Variants in ESRRB observed in about 807,000 individuals in gnomAD.
ESRRB encodes estrogen related receptor beta, also known as steroid hormone receptor ERR2.
A neutral mutation model predicts 46.0 loss-of-function variants in ESRRB; 16 were observed. The ratio of observed to expected loss-of-function variants is 0.35; its 90% CI spans 0.24 to 0.53. The LOEUF (loss-of-function observed/expected upper bound fraction) is 0.53, where lower values mean the gene tolerates loss of function less well. Ranked by LOEUF, ESRRB falls within the 20% of genes least tolerant of loss-of-function variation. ESRRB has a pLI of 0.93. For missense variants in ESRRB, 488 were observed against 607.4 expected, an observed-to-expected ratio of 0.80 and a Z score of 2.07; for synonymous variants, 246 against 259.6, an observed-to-expected ratio of 0.95 and a Z score of 0.50.
chr14:76,329,265 G>C (rs553517498), intron 1 of ESRRB, among the ~76,000 whole-genome samples: 86 of 152,160 alleles, frequency 5.7e-4, no homozygotes, highest in African/African-American at 2.0e-3. Flanking sequence ...ATAAATAATC[G>C]AGTCAATCTC....
At chr14:76,439,006 C>G (rs1887793508) in intron 1 of ESRRB, among the ~76,000 whole-genome samples, 1 of 151,828 alleles carries the variant, frequency 6.6e-6, no homozygotes. Context: ...CCTATGTTGC[C>G]CAGGCTGGTC....
intron 1 of ESRRB, among the ~76,000 whole-genome samples, chr14:76,387,642 G>A (rs1248857997): frequency 6.6e-6 from 1 of 152,180 alleles, no homozygotes; most frequent in South Asian, 2.1e-4. Context: ...ACCTCCAGAC[G>A]GGCTGGAAAG....
In ESRRB at chr14:76,401,501, G is replaced by A. The variant is rs115567662; in HGVS notation, c.50+25050G>A. ...TTCGCCAAAGAAACAGAACCAATACGATGTATAGTCATGTGCCACATAATG... is the reference window on the plus strand; with the variant it reads ...TTCGCCAAAGAAACAGAACCAATACAATGTATAGTCATGTGCCACATAATG... On this transcript the variant is annotated intron_variant, in intron 1 of 6. Coordinates refer to ENST00000644823, the MANE Select transcript of ESRRB (RefSeq NM_001379180.1). Among the ~76,000 whole-genome samples the A allele has an allele frequency of 6.3e-3, 964 of 152,314 alleles. 10 individuals are homozygous for A. The highest frequency in any genetic ancestry group is 0.023 in the African/African-American group (943 of 41,558).
intron 1 of ESRRB, among the ~76,000 whole-genome samples, chr14:76,438,580 C>G (rs915515544): frequency 6.6e-6 from 1 of 151,706 alleles, no homozygotes; most frequent in African/African-American, 2.4e-5. Context: ...AGGAGAATCG[C>G]TTGAACCCAG....
intron 1 of ESRRB, among the ~76,000 whole-genome samples, chr14:76,422,183 C>G (rs891372180): frequency 3.3e-5 from 5 of 150,644 alleles, no homozygotes; most frequent in Non-Finnish European, 7.4e-5. Context: ...CACGCACACG[C>G]ACAGCCCTTG....
chr14:76,389,302 G>GC (rs1555392446), intron 1 of ESRRB, among the ~76,000 whole-genome samples: 1 of 152,154 alleles, frequency 6.6e-6, no homozygotes, highest in Non-Finnish European at 1.5e-5. Flanking sequence ...TCTGTCTCAT[G>GC]CCCCTGACTG....
In ESRRB at chr14:76,467,984, G is replaced by A. The variant is rs1024182058; in HGVS notation, c.577+5323G>A. Among the ~76,000 whole-genome samples, 5 of 152,120 alleles carry A rather than the reference G, an allele frequency of 3.3e-5. No individual in the cohort carries two copies. In the East Asian group the frequency reaches 9.7e-4, roughly 29 times the overall value. ...TAAAAGATATTTGATTTCAGTGAAA[G>A]CTGGGCCGACATCCATGCAATATGC... On this transcript the variant is annotated intron_variant, in intron 3 of 6. Coordinates refer to ENST00000644823, the MANE Select transcript of ESRRB (RefSeq NM_001379180.1).
At chr14:76,423,871 G>A (rs566479433) in intron 1 of ESRRB, among the ~76,000 whole-genome samples, 4 of 152,242 alleles carry the variant, frequency 2.6e-5, no homozygotes, top group Admixed American at 1.3e-4. Context: ...GGCCAGTGTG[G>A]CTGGGATGGA....
intron 1 of ESRRB, among the ~76,000 whole-genome samples, chr14:76,324,437 C>T (rs999688648): frequency 3.3e-5 from 5 of 152,148 alleles, no homozygotes; most frequent in Non-Finnish European, 7.3e-5. Context: ...GGGATCTGAG[C>T]AGAGCACCAA....
intron 1 of ESRRB, among the ~76,000 whole-genome samples, chr14:76,327,460 G>C (rs1883944356): frequency 1.3e-5 from 2 of 151,860 alleles, no homozygotes; most frequent in African/African-American, 4.9e-5. Context: ...TGACTTCCCG[G>C]AAAGGTATTC....
At chr14:76,446,090 C>T (rs1468963218) in intron 2 of ESRRB, among the ~76,000 whole-genome samples, 2 of 152,206 alleles carry the variant, frequency 1.3e-5, no homozygotes, top group Admixed American at 1.3e-4. Flanking sequence ...GCCAGCCACC[C>T]TTGGTTGTAT....
chr14:76,330,427 A>AC (rs1035330674), intron 1 of ESRRB, among the ~76,000 whole-genome samples: 5 of 151,842 alleles, frequency 3.3e-5, no homozygotes, highest in African/African-American at 7.3e-5. Flanking sequence ...CAACTCAAAG[A>AC]CCCCCCAACC....
intron 1 of ESRRB, among the ~76,000 whole-genome samples, chr14:76,358,327 G>GAAAGAA (rs1884413330): frequency 8.9e-5 from 1 of 11,226 alleles, no homozygotes; most frequent in Non-Finnish European, 1.4e-4. Flanking sequence ...AAAAAAAAAA[G>GAAAGAA]AAAGAAAGAA....
At chr14:76,388,213 CTG>C in intron 1 of ESRRB, among the ~76,000 whole-genome samples, 2 of 139,396 alleles carry the variant, frequency 1.4e-5, no homozygotes, top group Admixed American at 1.5e-4. Context: ...GAGTCTCACT[CTG>C]TGGCCCAGGC....
In ESRRB at chr14:76,379,681, A is replaced by G. The variant is rs559736475; in HGVS notation, c.50+3230A>G. Among the ~76,000 whole-genome samples, 62 of 152,244 alleles carry G rather than the reference A, an allele frequency of 4.1e-4. 1 individual carries two copies. The highest frequency in any genetic ancestry group is 1.5e-3 in the African/African-American group (61 of 41,548). On this transcript the variant is annotated intron_variant, in intron 1 of 6. Transcript: ENST00000644823. ...TCAGGCCTGAAGGCGATGAACTGGG[A>G]GGAGACATTAGGTCAACGCTGGAGG...
intron 1 of ESRRB, among the ~76,000 whole-genome samples, chr14:76,389,760 T>C (rs1302750814): frequency 6.6e-6 from 1 of 152,210 alleles, no homozygotes; most frequent in Admixed American, 6.5e-5. Flanking sequence ...TCAAACACAA[T>C]CATTATTAAA....
intron 1 of ESRRB, among the ~76,000 whole-genome samples, chr14:76,419,951 GT>G (rs1440750143): frequency 2.0e-5 from 3 of 152,144 alleles, no homozygotes; most frequent in African/African-American, 7.2e-5. Flanking sequence ...TGTCTCATGG[GT>G]CAGGAGGACT....
chr14:76,402,857 T>G lies in ESRRB; in HGVS notation c.50+26406T>G, dbSNP rs188795865. 3.7e-3 allele frequency among the ~76,000 whole-genome samples: 558 copies of G among 152,256 alleles called. 3 individuals carry two copies. The highest frequency in any genetic ancestry group is 5.9e-3 in the Non-Finnish European group (401 of 68,028). On this transcript the variant is annotated intron_variant, in intron 1 of 6. Coordinates refer to ENST00000644823, the MANE Select transcript of ESRRB (RefSeq NM_001379180.1). The stretch of plus-strand genomic sequence containing the variant: ...CTGGGAATTCTTTCTTTTTCTTTCT[T>G]TTTTTCTTTTTCCTGGAGACAGGGT...
intron 3 of ESRRB, among the ~76,000 whole-genome samples, chr14:76,469,929 G>GT (rs769935944): frequency 0.07 from 5,481 of 78,488 alleles, 276 homozygotes; most frequent in African/African-American, 0.19. Flanking sequence ...GTTTTTTGTT[G>GT]TTTTTTTTTT....
Sources: allele counts gnomAD v4.1 joint callset (sites outside exome capture counted in the v4.1 genomes callset), GRCh38; gene constraint gnomAD v4.1.1; transcripts MANE v1.5; gene names NCBI Gene and HGNC (gene_info 2026-07-23, HGNC 2026-07-21).